PFKFB3: variants seen among roughly 807,000 people sequenced by gnomAD.
The protein encoded by PFKFB3 is 6-phosphofructo-2-kinase/fructose-2,6-bisphosphatase 3.
PFKFB3 carries 33 observed loss-of-function variants against 68.0 expected under a neutral mutation model. The observed-to-expected ratio is 0.49, with a 90% CI of 0.37 to 0.65. The LOEUF (loss-of-function observed/expected upper bound fraction) is 0.65, where lower values mean the gene tolerates loss of function less well. Among genes scored for constraint, PFKFB3 ranks in the 30% least tolerant of loss-of-function variants. The pLI, the probability that PFKFB3 is intolerant of heterozygous loss-of-function variation, is 0.00. For synonymous variants in PFKFB3, 315 were observed against 288.2 expected (o/e 1.09, Z -0.94); for missense variants, 586 against 712.2 (o/e 0.82, Z 2.02).
intron 1 of PFKFB3, among the ~76,000 whole-genome samples, chr10:6,184,674 G>A (rs1023198767): frequency 6.6e-6 from 1 of 151,378 alleles, no homozygotes; most frequent in Non-Finnish European, 1.5e-5. Flanking sequence ...GTTTTACCAC[G>A]TTGGCCAGGC....
At chr10:6,166,083 G>A (rs1314910494) in intron 1 of PFKFB3, among the ~76,000 whole-genome samples, 1 of 151,370 alleles carries the variant, frequency 6.6e-6, no homozygotes, top group Non-Finnish European at 1.5e-5. Flanking sequence ...GGGTTCAAGC[G>A]ATTCTCCTGC....
At position 6,215,432 on chromosome 10, in the gene PFKFB3, ATAAGGCTGGGCTGCGGGGCTGCGGGTG is replaced by A. The variant is rs531189031; in HGVS notation, c.299+133_299+159del. 59 of 764,130 alleles carry A rather than the reference ATAAGGCTGGGCTGCGGGGCTGCGGGTG, an allele frequency of 7.7e-5. No individual in the cohort carries two copies. Among genetic ancestry groups the A allele is most frequent in the African/African-American group, 7.2e-4 (41 of 57,204 alleles). 47.3% of individuals were successfully genotyped at this position (764,130 alleles called of 1,614,324 possible). ...GCGGGCGTAGGGCTGGGCTGTGGGA[ATAAGGCTGGGCTGCGGGGCTGCGGGTG>A]TAAGGCTGGGCTGCGGGCTTGGGCT... On this transcript the variant is annotated intron_variant, in intron 3 of 14. Transcript: ENST00000379775. The surrounding 1 kb of genome is among the most constrained non-coding windows in gnomAD (Gnocchi z 4.3).
chr10:6,199,921 C>T (rs559782768), upstream of PFKFB3, among the ~76,000 whole-genome samples: 7 of 151,954 alleles, frequency 4.6e-5, no homozygotes, highest in South Asian at 2.1e-4. Flanking sequence ...GCCTGATCAG[C>T]GGCTAAATTA....
chr10:6,225,029 G>T, intron 13 of PFKFB3: 1 of 433,952 alleles, frequency 2.3e-6, no homozygotes, highest in Admixed American at 2.4e-5. Context: ...AGGCCTGGCC[G>T]TGCAGCTGCT....
the PFKFB3 span, among the ~76,000 whole-genome samples, chr10:6,288,639 T>C: frequency 6.6e-6 from 1 of 151,784 alleles, no homozygotes; most frequent in Non-Finnish European, 1.5e-5. Flanking sequence ...GTCTTTGCTA[T>C]TGTGAATAGT....
chr10:6,153,593 C>T (rs942029826), intron 1 of PFKFB3, among the ~76,000 whole-genome samples: 4 of 152,174 alleles, frequency 2.6e-5, no homozygotes, highest in African/African-American at 9.7e-5. Context: ...GTGGCTCACA[C>T]CTCTAATCCC....
At chr10:6,269,635 G>A in the PFKFB3 span, among the ~76,000 whole-genome samples, 1 of 152,160 alleles carries the variant, frequency 6.6e-6, no homozygotes, top group Non-Finnish European at 1.5e-5. Flanking sequence ...GTGGAGAAAT[G>A]GGAAGAGAAA....
At chr10:6,278,547 T>A in the PFKFB3 span, among the ~76,000 whole-genome samples, 2 of 152,202 alleles carry the variant, frequency 1.3e-5, no homozygotes, top group Non-Finnish European at 2.9e-5. Context: ...AGTACTGAGA[T>A]TACAGGCGTG....
chr10:6,161,635 T>C (rs953852340), intron 1 of PFKFB3, among the ~76,000 whole-genome samples: 1 of 80,500 alleles, frequency 1.2e-5, no homozygotes, highest in Admixed American at 1.1e-4. Context: ...CATATATATA[T>C]ATAGAGAGAG....
downstream of PFKFB3, among the ~76,000 whole-genome samples, chr10:6,254,805 GTTCTT>G (rs1846464716): frequency 2.5e-5 from 1 of 40,654 alleles, no homozygotes; most frequent in Non-Finnish European, 5.5e-5. Flanking sequence ...ATTTTTTTCT[GTTCTT>G]TTTTTTTTTT....
At position 6,231,441 on chromosome 10, in the gene PFKFB3, A is replaced by T. The variant is rs1311016210; in HGVS notation, c.1516-1454A>T. ...TGCCGAGGTTGTTAAGTGCAACACCATTGTCGTGAGGTCCTTTCTAGTCTG... is the reference window on the plus strand; with the variant it reads ...TGCCGAGGTTGTTAAGTGCAACACCTTTGTCGTGAGGTCCTTTCTAGTCTG... On this transcript the variant is annotated intron_variant, in intron 14 of 14. Transcript: ENST00000379775. The T allele has an allele frequency of 4.6e-6, 7 of 1,515,980 alleles. No individual in the cohort carries two copies. The South Asian group carries it at 8.8e-5, about 19-fold the overall frequency. 93.9% of individuals were successfully genotyped at this position (1,515,980 alleles called of 1,614,324 possible). A position where few individuals can be genotyped will look rare whatever the true frequency, so the allele number is the denominator to read the frequency against.
the PFKFB3 span, among the ~76,000 whole-genome samples, chr10:6,277,295 G>A: frequency 4.0e-5 from 6 of 151,336 alleles, no homozygotes; most frequent in South Asian, 2.1e-4. Flanking sequence ...GTGCAGTGGC[G>A]CGATCTGGAC....
At chr10:6,245,701 A>G (rs1846242586) in intron 14 of PFKFB3, 1 of 152,184 alleles carries the variant, frequency 6.6e-6, no homozygotes, top group African/African-American at 2.4e-5. Flanking sequence ...AAATGCTGGG[A>G]TTTCAAGTGT....
chr10:6,155,207 T>TTTC (rs1554839910), intron 1 of PFKFB3, among the ~76,000 whole-genome samples: 6 of 102,734 alleles, frequency 5.8e-5, no homozygotes, highest in African/African-American at 8.7e-5. Flanking sequence ...GTTTTTTTCT[T>TTTC]TTTTTTTTTT....
chr10:6,285,880 C>T, the PFKFB3 span, among the ~76,000 whole-genome samples: 40 of 151,686 alleles, frequency 2.6e-4, no homozygotes, highest in African/African-American at 7.7e-4. Flanking sequence ...ATTGTCATAC[C>T]GAATTTTCTT....
At chr10:6,275,434 C>T in the PFKFB3 span, among the ~76,000 whole-genome samples, 1 of 152,238 alleles carries the variant, frequency 6.6e-6, no homozygotes, top group Admixed American at 6.5e-5. This position sits in a 1 kb window ranked among gnomAD's most constrained non-coding sequence, Gnocchi z 4.9. Flanking sequence ...GCTGACACTG[C>T]ATGCCGGGAA....
intron 6 of PFKFB3, among the ~76,000 whole-genome samples, chr10:6,219,031 G>C (rs1286019991): frequency 6.6e-6 from 1 of 152,224 alleles, no homozygotes; most frequent in Non-Finnish European, 1.5e-5. Context: ...CTAGGAGAGC[G>C]AGCCCTGCAA....
rs755429809 is a variant in PFKFB3 at position 6,223,982 on chromosome 10, C to A, written c.1238C>A (p.Pro413His). Residue 413 changes from proline (P) to histidine (H), a missense_variant, in exon 12 of 15, where the codon CCT (proline) becomes CAT (histidine). Pro to His is a moderately conservative substitution (Grantham distance 77). Coordinates refer to ENST00000379775, the MANE Select transcript of PFKFB3 (RefSeq NM_004566.4). ...GAGGAGATGCCCTACCTGAAATGCC[C>A]TCTTCACACCGTCCTGAAACTGACG... The part of the protein sequence containing the change: ...SAEEMPYLKC[P>H]LHTVLKLTPV... The A allele has an allele frequency of 9.9e-6, 16 of 1,614,166 alleles. No homozygotes were observed. The highest frequency in any genetic ancestry group is 1.2e-5 in the Non-Finnish European group (14 of 1,180,002).
chr10:6,155,207 T>TTTTC (rs769239019), intron 1 of PFKFB3, among the ~76,000 whole-genome samples: 57 of 102,744 alleles, frequency 5.5e-4, no homozygotes, highest in South Asian at 6.9e-4. Flanking sequence ...GTTTTTTTCT[T>TTTTC]TTTTTTTTTT....
Sources: allele counts gnomAD v4.1 joint callset (sites outside exome capture counted in the v4.1 genomes callset), GRCh38; gene constraint gnomAD v4.1.1; non-coding constraint Gnocchi (gnomAD v3.1); transcripts MANE v1.5; gene names NCBI Gene and HGNC (gene_info 2026-07-23, HGNC 2026-07-21).